Variants in ERC1 observed in about 807,000 individuals in gnomAD.
ERC1 encodes the protein RAB6 interacting protein 2.
ERC1 carries 56 observed loss-of-function variants against 132.0 expected under a neutral mutation model. That is an observed-to-expected ratio of 0.42 (90% CI 0.34 to 0.53). The LOEUF (loss-of-function observed/expected upper bound fraction) is 0.53, where lower values mean the gene tolerates loss of function less well. Ranked by LOEUF, ERC1 falls within the 20% of genes least tolerant of loss-of-function variation. ERC1 has a pLI of 0.03. For synonymous variants in ERC1, 478 were observed against 476.1 expected, an observed-to-expected ratio of 1.00 and a Z score of -0.05; for missense variants, 1,202 against 1,349.9, an observed-to-expected ratio of 0.89 and a Z score of 1.72.
intron 15 of ERC1, among the ~76,000 whole-genome samples, chr12:1,292,612 G>T (rs752008015): frequency 9.2e-5 from 14 of 152,080 alleles, no homozygotes; most frequent in Non-Finnish European, 1.9e-4. Flanking sequence ...CACAAACAGA[G>T]AATAAATTTT....
intron 16 of ERC1, among the ~76,000 whole-genome samples, chr12:1,402,248 AG>A (rs2091130396): frequency 6.6e-6 from 1 of 152,178 alleles, no homozygotes; most frequent in African/African-American, 2.4e-5. Context: ...GAAAATGAAA[AG>A]GCTGGGCACG....
intron 15 of ERC1, among the ~76,000 whole-genome samples, chr12:1,295,048 C>A (rs142803343): frequency 6.6e-6 from 1 of 152,150 alleles, no homozygotes; most frequent in Non-Finnish European, 1.5e-5. Flanking sequence ...TTTGCTTACC[C>A]GTGAAGCAGG....
intron 7 of ERC1, among the ~76,000 whole-genome samples, chr12:1,119,147 C>T (rs760796977): frequency 1.3e-5 from 2 of 152,044 alleles, no homozygotes; most frequent in Non-Finnish European, 2.9e-5. Context: ...CCAAAGTGCT[C>T]GGATTACAGG....
chr12:1,267,862 T>G (rs1028182173), intron 14 of ERC1, among the ~76,000 whole-genome samples: 1 of 152,232 alleles, frequency 6.6e-6, no homozygotes, highest in Non-Finnish European at 1.5e-5. Flanking sequence ...ACAGTAATAT[T>G]TTTTCAAATT....
intron 8 of ERC1, among the ~76,000 whole-genome samples, chr12:1,170,149 G>A (rs1342390566): frequency 6.6e-6 from 1 of 151,976 alleles, no homozygotes; most frequent in Non-Finnish European, 1.5e-5. Context: ...CTTACTTTTT[G>A]GTGACCTGTC....
chr12:1,180,399 C>T (rs1594015484), intron 8 of ERC1, 141 bp from the exon 9 acceptor site: 6 of 742,048 alleles, frequency 8.1e-6, no homozygotes, highest in African/African-American at 7.1e-5. Flanking sequence ...TTCTGAAACT[C>T]TTAGGATTAA....
At chr12:1,166,368 C>T (rs1275851470) in intron 8 of ERC1, among the ~76,000 whole-genome samples, 1 of 152,142 alleles carries the variant, frequency 6.6e-6, no homozygotes, top group Non-Finnish European at 1.5e-5. Flanking sequence ...GCTTGCCTTC[C>T]AACATGATTG....
chr12:1,110,529 T>C (rs1221736121), intron 5 of ERC1, among the ~76,000 whole-genome samples, 182 bp downstream of exon 5: 1 of 152,208 alleles, frequency 6.6e-6, no homozygotes, highest in African/African-American at 2.4e-5. Flanking sequence ...ATTACTGACA[T>C]AGATAGTTAC....
chr12:1,305,073 C>T lies in ERC1; in HGVS notation c.2780+15061C>T, dbSNP rs575382669. Among the ~76,000 whole-genome samples, 3 of 152,252 alleles carry T rather than the reference C, an allele frequency of 2.0e-5. No homozygotes were observed. In the South Asian group the frequency reaches 6.2e-4, roughly 32 times the overall value. On this transcript the variant is annotated intron_variant, in intron 15 of 18. Coordinates refer to ENST00000360905, the MANE Select transcript of ERC1 (RefSeq NM_178040.4). ...GGGATTACAGGCGTGAGCCACTGCT[C>T]CCGGCCTGTTTGTTGTAACTCTTAA...
rs1375453290 is a variant in ERC1, at chr12:1,290,007, G to A, written c.2775G>A (p.Glu925=). ...ERRKHLEEVL[E]MKQEALLAAI... Reference sequence around the variant, plus strand: ...GGAAACACTTAGAGGAAGTTCTGGAGATGAAGTAAGTGTTTGTAGTCTTAT... The same window carrying A: ...GGAAACACTTAGAGGAAGTTCTGGAAATGAAGTAAGTGTTTGTAGTCTTAT... Residue 925 remains glutamate (E), a synonymous_variant, in exon 15 of 19, where the codon GAG becomes GAA. Transcript: ENST00000360905. The A allele has an allele frequency of 3.1e-6, 5 of 1,613,648 alleles. No individual in the cohort carries two copies. The highest frequency in any genetic ancestry group is 2.2e-5 in the South Asian group (2 of 91,034).
At chr12:1,183,524 C>A in intron 11 of ERC1, 103 bp downstream of exon 11, 1 of 673,316 alleles carries the variant, frequency 1.5e-6, no homozygotes, top group Non-Finnish European at 2.3e-6. Flanking sequence ...GAATAATAAT[C>A]CGCCAAACTT....
At chr12:1,217,933 A>T (rs2154293702) in intron 12 of ERC1, among the ~76,000 whole-genome samples, 1 of 152,322 alleles carries the variant, frequency 6.6e-6, no homozygotes, top group Non-Finnish European at 1.5e-5. Flanking sequence ...GGGCAAGAAG[A>T]GTCACAAAGC....
At chr12:1,155,607 G>A (rs1951309802) in intron 8 of ERC1, among the ~76,000 whole-genome samples, 1 of 151,946 alleles carries the variant, frequency 6.6e-6, no homozygotes, top group Non-Finnish European at 1.5e-5. Context: ...TTCCTGAGTA[G>A]CTGGGACCAC....
At chr12:1,214,701 C>T (rs56385373) in intron 12 of ERC1, among the ~76,000 whole-genome samples, 65,857 of 150,794 alleles carry the variant, frequency 0.44, 16,177 homozygotes, top group African/African-American at 0.67. Context: ...CACACACACA[C>T]ATATGTTTGG....
intron 1 of ERC1, among the ~76,000 whole-genome samples, chr12:1,025,568 C>T (rs1320546019): frequency 6.6e-6 from 1 of 152,010 alleles, no homozygotes; most frequent in African/African-American, 2.4e-5. Context: ...GGATATTCTT[C>T]AAAATTTTCT....
chr12:1,462,948 A>C (rs992801651), intron 18 of ERC1, among the ~76,000 whole-genome samples: 5 of 150,070 alleles, frequency 3.3e-5, no homozygotes, highest in African/African-American at 1.2e-4. Context: ...TTTTTTTTCC[A>C]CCGTAAATGC....
intron 11 of ERC1, among the ~76,000 whole-genome samples, chr12:1,189,392 T>C (rs113964775): frequency 4.6e-5 from 7 of 152,342 alleles, no homozygotes; most frequent in Admixed American, 6.5e-5. Flanking sequence ...CAAGGCCATG[T>C]GAGTCACACG....
upstream of ERC1, chr12:989,980 A>G (rs568408257): frequency 6.6e-6 from 1 of 152,324 alleles, no homozygotes; most frequent in African/African-American, 2.4e-5. Flanking sequence ...ATATGTGGGA[A>G]GTACTGAAGG....
chr12:1,202,855 A>G (rs1045775957), intron 12 of ERC1, among the ~76,000 whole-genome samples: 2 of 152,180 alleles, frequency 1.3e-5, no homozygotes, highest in African/African-American at 4.8e-5. Context: ...TTCATCTAAA[A>G]TTATTTTGAC....
Sources: gnomAD v4.1 joint callset for allele counts (sites outside exome capture counted in the v4.1 genomes callset) on GRCh38, gnomAD v4.1.1 for gene constraint, MANE v1.5 for transcripts, NCBI Gene and HGNC (gene_info 2026-07-23, HGNC 2026-07-21) for gene names.